The following ERG variants were observed in gnomAD, a reference collection of about 807,000 sequenced individuals.
ERG encodes ETS transcription factor ERG.
Under a neutral mutation model 55.3 loss-of-function variants are expected in ERG, and 9 were observed. That is an observed-to-expected ratio of 0.16 (90% CI 0.10 to 0.28). The LOEUF (loss-of-function observed/expected upper bound fraction) is 0.28, where lower values mean the gene tolerates loss of function less well. Ranked by LOEUF, ERG falls within the 10% of genes least tolerant of loss-of-function variation. The probability of loss-of-function intolerance (pLI) is 1.00; values close to 1 mark genes in which losing one functional copy is unlikely to be tolerated. For missense variants in ERG, 434 were observed against 631.6 expected (o/e 0.69, Z 3.35); for synonymous variants, 223 against 237.3 (o/e 0.94, Z 0.55).
chr21:38,641,976 T>C (rs1004267814), intron 1 of ERG, among the ~76,000 whole-genome samples: 2 of 152,220 alleles, frequency 1.3e-5, no homozygotes, highest in Non-Finnish European at 2.9e-5. Flanking sequence ...GCACTCAAGA[T>C]TGGGAATTCC....
chr21:38,483,650 C>A (rs1209912711), intron 1 of ERG, among the ~76,000 whole-genome samples: 2 of 151,948 alleles, frequency 1.3e-5, no homozygotes, highest in Admixed American at 1.3e-4. Flanking sequence ...AGATTGAGAC[C>A]ATCCTGGCTA....
At chr21:38,448,511 C>T (rs1219117226) in intron 1 of ERG, among the ~76,000 whole-genome samples, 1 of 152,168 alleles carries the variant, frequency 6.6e-6, no homozygotes, top group Non-Finnish European at 1.5e-5. Context: ...TGTTGATTGT[C>T]ACTCAACAAA....
In ERG at chr21:38,481,388, A is replaced by T. The variant is rs1366800907; in HGVS notation, c.18+16975T>A. Among the ~76,000 whole-genome samples the T allele has an allele frequency of 2.0e-5, 3 of 152,344 alleles. No individual in the cohort carries two copies. In the East Asian group the frequency reaches 5.8e-4, roughly 29 times the overall value. On this transcript the variant is annotated intron_variant, in intron 1 of 9. Transcript: ENST00000288319. ...GGTGATATGAATTCTTAAATGATTA[A>T]AGAAACAGTCCACTAAAAATCTTAT...
chr21:38,520,908 A>T (rs185608065), intron 2 of ERG, among the ~76,000 whole-genome samples: 1 of 152,312 alleles, frequency 6.6e-6, no homozygotes, highest in African/African-American at 2.4e-5. Context: ...GTGCTCATAG[A>T]TATACATGTT....
chr21:38,391,586 T>C, intron 8 of ERG, 73 bp downstream of exon 8: 1 of 1,229,508 alleles, frequency 8.1e-7, no homozygotes, highest in Non-Finnish European at 1.2e-6. Context: ...CATTAAAAAG[T>C]GAAGCATTTT....
intron 1 of ERG, among the ~76,000 whole-genome samples, chr21:38,591,805 T>G (rs141662910): frequency 9.1e-4 from 138 of 152,358 alleles, no homozygotes; most frequent in Non-Finnish European, 1.7e-3. Context: ...CTTCAGAAAT[T>G]ACTAGTAGCT....
chr21:38,601,426 G>GA (rs138045867), intron 1 of ERG, among the ~76,000 whole-genome samples: 2,141 of 147,098 alleles, frequency 0.015, 57 homozygotes, highest in African/African-American at 0.05. Context: ...TGCTCACTAA[G>GA]AAAAAAAAAA....
chr21:38,489,637 G>C lies in ERG; in HGVS notation c.18+8726C>G, dbSNP rs147335787. On this transcript the variant is annotated intron_variant, in intron 1 of 9. Transcript: ENST00000288319. ...GCTTCCAGTTTAGGAGTTCACACAA[G>C]ACAAAGTGAAAAGTTAGAACTCAAA... Among the ~76,000 whole-genome samples, 378 of 152,360 alleles carry C rather than the reference G, an allele frequency of 2.5e-3. 4 individuals carry two copies. Among genetic ancestry groups the C allele is most frequent in the African/African-American group, 7.8e-3 (323 of 41,590 alleles).
At chr21:38,588,912 G>A (rs2060083313), upstream of ERG, among the ~76,000 whole-genome samples, 1 of 151,926 alleles carries the variant, frequency 6.6e-6, no homozygotes, top group Admixed American at 6.5e-5. Context: ...AAAAAATTTT[G>A]GAGACATGAG....
At chr21:38,647,813 C>G (rs1336377176) in intron 1 of ERG, among the ~76,000 whole-genome samples, 1 of 152,162 alleles carries the variant, frequency 6.6e-6, no homozygotes, top group Non-Finnish European at 1.5e-5. Flanking sequence ...AAGTCACATA[C>G]ACGTCACCTC....
At chr21:38,627,316 C>T (rs560327276) in intron 1 of ERG, among the ~76,000 whole-genome samples, 12 of 152,144 alleles carry the variant, frequency 7.9e-5, no homozygotes, top group African/African-American at 2.2e-4. Flanking sequence ...TGGAAATGTT[C>T]GGTGAATCTG....
upstream of ERG, among the ~76,000 whole-genome samples, chr21:38,501,644 C>T (rs2059422242): frequency 6.6e-6 from 1 of 152,128 alleles, no homozygotes; most frequent in Non-Finnish European, 1.5e-5. Context: ...TACCTGAGGC[C>T]CGTCCTGCCA....
chr21:38,442,965 G>A (rs932641040), intron 2 of ERG, among the ~76,000 whole-genome samples: 1 of 151,962 alleles, frequency 6.6e-6, no homozygotes, highest in Admixed American at 6.6e-5. Flanking sequence ...CCACCACCAC[G>A]CCCGGCTAAT....
At chr21:38,465,870 A>C (rs2059084360) in intron 1 of ERG, among the ~76,000 whole-genome samples, 1 of 152,122 alleles carries the variant, frequency 6.6e-6, no homozygotes, top group Admixed American at 6.6e-5. Flanking sequence ...CATCCCCATC[A>C]AAACTAGAGA....
intron 1 of ERG, among the ~76,000 whole-genome samples, chr21:38,468,724 G>A (rs1167219032): frequency 5.3e-5 from 8 of 152,174 alleles, no homozygotes; most frequent in East Asian, 1.9e-4. Flanking sequence ...GGTGGCTCAC[G>A]CCTGTAATCC....
chr21:38,406,012 G>T (rs1448341796), intron 3 of ERG, among the ~76,000 whole-genome samples: 1 of 151,868 alleles, frequency 6.6e-6, no homozygotes, highest in South Asian at 2.1e-4. Flanking sequence ...AAAATTAGTC[G>T]GGCATGGTGG....
intron 3 of ERG, among the ~76,000 whole-genome samples, chr21:38,418,494 C>T (rs1989386152): frequency 1.3e-5 from 2 of 152,208 alleles, no homozygotes; most frequent in East Asian, 1.9e-4. Flanking sequence ...CTATGTTGTC[C>T]AGGCTGGTCT....
chr21:38,493,432 C>T (rs138436784), intron 1 of ERG, among the ~76,000 whole-genome samples: 102 of 152,230 alleles, frequency 6.7e-4, no homozygotes, highest in African/African-American at 2.3e-3. Context: ...AGACATATCC[C>T]AATTGTTAGG....
intron 1 of ERG, among the ~76,000 whole-genome samples, chr21:38,582,826 A>AACCTCC (rs371559956): frequency 2.7e-4 from 41 of 152,208 alleles, no homozygotes; most frequent in African/African-American, 7.7e-4. Context: ...GGCTCACTGC[A>AACCTCC]ACCTCCACCT....
Sources: gnomAD v4.1 joint callset for allele counts (sites outside exome capture counted in the v4.1 genomes callset) on GRCh38, gnomAD v4.1.1 for gene constraint, MANE v1.5 for transcripts, NCBI Gene and HGNC (gene_info 2026-07-23, HGNC 2026-07-21) for gene names.